Variants in GPC5 observed in about 807,000 individuals in gnomAD.
The protein encoded by GPC5 is glypican 5.
A neutral mutation model predicts 53.9 loss-of-function variants in GPC5; 47 were observed. The observed-to-expected ratio is 0.87, with a 90% CI of 0.69 to 1.11. The LOEUF (loss-of-function observed/expected upper bound fraction) is 1.11. Among genes scored for constraint, GPC5 ranks in the 50% most tolerant of loss-of-function variants. The pLI is 0.00. For synonymous variants in GPC5, 286 were observed against 263.3 expected (o/e 1.09, Z -0.84); for missense variants, 748 against 713.1 (o/e 1.05, Z -0.56).
At chr13:92,588,074 T>C (rs1883594739) in intron 7 of GPC5, among the ~76,000 whole-genome samples, 1 of 152,034 alleles carries the variant, frequency 6.6e-6, no homozygotes, top group Admixed American at 6.6e-5. Context: ...CTCCCTCCCC[T>C]TTCCCTCCAG....
chr13:91,976,690 A>G (rs552865499), intron 6 of GPC5, among the ~76,000 whole-genome samples: 1 of 152,170 alleles, frequency 6.6e-6, no homozygotes, highest in African/African-American at 2.4e-5. Context: ...TTTGGAAGGC[A>G]TGATGGTTTT....
At chr13:91,412,579 A>G (rs1877889027) in intron 1 of GPC5, among the ~76,000 whole-genome samples, 1 of 152,250 alleles carries the variant, frequency 6.6e-6, no homozygotes, top group African/African-American at 2.4e-5. Context: ...AAGAACATAA[A>G]GAGGAAACTC....
chr13:91,420,940 C>T (rs1031992892), intron 1 of GPC5, among the ~76,000 whole-genome samples: 8 of 152,182 alleles, frequency 5.3e-5, no homozygotes, highest in African/African-American at 1.7e-4. Context: ...AGTATCTTTA[C>T]AGCAGTGTGA....
chr13:91,807,756 G>C (rs1206895191), intron 5 of GPC5, among the ~76,000 whole-genome samples: 1 of 152,096 alleles, frequency 6.6e-6, no homozygotes, highest in Admixed American at 6.6e-5. Flanking sequence ...TGTAAATGCA[G>C]GTCAATCAAA....
chr13:92,218,953 T>A (rs2042430050), intron 7 of GPC5, among the ~76,000 whole-genome samples: 1 of 152,150 alleles, frequency 6.6e-6, no homozygotes, highest in South Asian at 2.1e-4. Flanking sequence ...AAAACCACAA[T>A]AAAATTATAT....
At chr13:92,289,638 T>G (rs532905296) in intron 7 of GPC5, among the ~76,000 whole-genome samples, 146 of 152,070 alleles carry the variant, frequency 9.6e-4, no homozygotes, top group Middle Eastern at 3.4e-3. Flanking sequence ...CTTTTATGGA[T>G]TATCTCAAAT....
rs563310711 is a variant in GPC5, at chr13:92,174,244, G to T, written c.1561+29255G>T. On this transcript the variant is annotated intron_variant, in intron 7 of 7. Coordinates refer to ENST00000377067, the MANE Select transcript of GPC5 (RefSeq NM_004466.6). ...AAATAGAAAGGCCAAAATTTGGGCCGGGTGTGGTGGCTCACACCTGTGATT... is the reference window on the plus strand; with the variant it reads ...AAATAGAAAGGCCAAAATTTGGGCCTGGTGTGGTGGCTCACACCTGTGATT... Among the ~76,000 whole-genome samples, 7 of 152,072 alleles carry T rather than the reference G, an allele frequency of 4.6e-5. No individual in the cohort carries two copies. The South Asian group carries it at 8.3e-4, about 18-fold the overall frequency.
intron 4 of GPC5, among the ~76,000 whole-genome samples, chr13:91,742,126 C>T (rs374418522): frequency 1.3e-5 from 2 of 152,106 alleles, no homozygotes; most frequent in African/African-American, 2.4e-5. Context: ...AACATGAGCT[C>T]ATGAGCTACA....
chr13:91,950,266 G>GT (rs35957614), intron 6 of GPC5, among the ~76,000 whole-genome samples: 52,248 of 122,530 alleles, frequency 0.43, 12,473 homozygotes, highest in East Asian at 0.72. Flanking sequence ...AAACTGCCAA[G>GT]TTTTTTTTTT....
intron 7 of GPC5, among the ~76,000 whole-genome samples, chr13:92,531,490 G>GAT (rs1221206048): frequency 1.3e-5 from 2 of 150,168 alleles, no homozygotes; most frequent in African/African-American, 4.9e-5. Context: ...CATATAAAGA[G>GAT]ATATATGTTT....
At chr13:91,414,052 C>A (rs550667065) in intron 1 of GPC5, among the ~76,000 whole-genome samples, 2 of 152,238 alleles carry the variant, frequency 1.3e-5, no homozygotes, top group East Asian at 3.9e-4. Flanking sequence ...GAAGCCATTT[C>A]CCCCACTGCC....
intron 6 of GPC5, among the ~76,000 whole-genome samples, chr13:91,922,307 T>A (rs1478124410): frequency 6.6e-6 from 1 of 152,144 alleles, no homozygotes; most frequent in East Asian, 1.9e-4. Flanking sequence ...TAAACTTTTT[T>A]TAAAAAAAAC....
At chr13:92,352,967 A>T (rs1428455714) in intron 7 of GPC5, among the ~76,000 whole-genome samples, 1 of 152,172 alleles carries the variant, frequency 6.6e-6, no homozygotes, top group African/African-American at 2.4e-5. Context: ...GAAACAATTG[A>T]AATGTGTATC....
intron 7 of GPC5, among the ~76,000 whole-genome samples, chr13:92,326,518 C>T (rs1200234005): frequency 6.6e-6 from 1 of 151,862 alleles, no homozygotes; most frequent in African/African-American, 2.4e-5. Flanking sequence ...ATTATGTTTA[C>T]AATAGAGATA....
intron 2 of GPC5, among the ~76,000 whole-genome samples, chr13:91,568,494 G>A (rs1413512105): frequency 6.6e-6 from 1 of 151,456 alleles, no homozygotes; most frequent in Non-Finnish European, 1.5e-5. Context: ...GGGTCTGTAG[G>A]AAGATTTATA....
chr13:91,813,617 G>T (rs965952480), intron 5 of GPC5, among the ~76,000 whole-genome samples: 1 of 152,276 alleles, frequency 6.6e-6, no homozygotes. Flanking sequence ...AATCAGGAGT[G>T]GGGGTTAGGA....
intron 1 of GPC5, among the ~76,000 whole-genome samples, chr13:91,445,848 G>A (rs547707675): frequency 6.6e-6 from 1 of 152,272 alleles, no homozygotes; most frequent in South Asian, 2.1e-4. Context: ...GGAACTGGAA[G>A]CATAGAAAGT....
chr13:92,443,968 C>A (rs1037219318), intron 7 of GPC5, among the ~76,000 whole-genome samples: 11 of 152,270 alleles, frequency 7.2e-5, no homozygotes, highest in African/African-American at 1.4e-4. Context: ...ATTTCCCAGT[C>A]ATGCTCAGCT....
intron 7 of GPC5, among the ~76,000 whole-genome samples, chr13:92,544,974 T>A (rs1431857037): frequency 2.0e-5 from 3 of 152,074 alleles, no homozygotes; most frequent in African/African-American, 7.2e-5. Context: ...AACGTGCAGG[T>A]TTGTTACATA....
Sources: gnomAD v4.1 joint callset for allele counts (sites outside exome capture counted in the v4.1 genomes callset) on GRCh38, gnomAD v4.1.1 for gene constraint, MANE v1.5 for transcripts, NCBI Gene and HGNC (gene_info 2026-07-23, HGNC 2026-07-21) for gene names.